NAV2: variants seen among roughly 807,000 people sequenced by gnomAD.
NAV2 encodes the protein neuron navigator 2.
NAV2 carries 54 observed loss-of-function variants against 223.2 expected under a neutral mutation model. That is an observed-to-expected ratio of 0.24 (90% CI 0.19 to 0.30). The LOEUF is 0.30. Among genes scored for constraint, NAV2 ranks in the 10% least tolerant of loss-of-function variants. The pLI is 1.00. For missense variants in NAV2, 2,806 were observed against 3,147.5 expected (o/e 0.89, Z 2.60); for synonymous variants, 1,279 against 1,239.3 (o/e 1.03, Z -0.67).
intron 10 of NAV2, among the ~76,000 whole-genome samples, chr11:19,955,263 A>G (rs4757020): frequency 0.33 from 50,150 of 151,868 alleles, 9,062 homozygotes; most frequent in Non-Finnish European, 0.4. Flanking sequence ...AAAGCTGTTC[A>G]TGGTGGCATG....
chr11:19,363,256 G>C (rs1238221757), intron 1 of NAV2, among the ~76,000 whole-genome samples: 1 of 152,096 alleles, frequency 6.6e-6, no homozygotes, highest in Admixed American at 6.6e-5. Context: ...CCTGTGTTAG[G>C]TTGCTGAGAA....
intron 1 of NAV2, among the ~76,000 whole-genome samples, chr11:19,618,354 C>CTGGATGGATGGATGGATGGA (rs371135207): frequency 9.4e-6 from 1 of 106,172 alleles, no homozygotes; most frequent in Admixed American, 1.0e-4. Context: ...TGATGGATTG[C>CTGGATGGATGGATGGATGGA]TGGATGGATG....
intron 7 of NAV2, 37 bp from the exon 8 acceptor site, chr11:19,939,624 T>G: frequency 6.4e-7 from 1 of 1,567,884 alleles, no homozygotes. Flanking sequence ...TAGTTGCCTC[T>G]CATGACAAGT....
At chr11:20,072,178 C>G (rs1239639929) in intron 22 of NAV2, among the ~76,000 whole-genome samples, 1 of 152,164 alleles carries the variant, frequency 6.6e-6, no homozygotes, top group Non-Finnish European at 1.5e-5. Flanking sequence ...TTGCCAACAC[C>G]ATTTATTAAA....
chr11:19,500,977 A>T (rs567420893), intron 1 of NAV2, among the ~76,000 whole-genome samples: 1 of 152,346 alleles, frequency 6.6e-6, no homozygotes, highest in African/African-American at 2.4e-5. Context: ...AAATCAAGGC[A>T]TCGGAAGGGC....
chr11:19,696,654 A>C (rs974786724), intron 1 of NAV2, among the ~76,000 whole-genome samples: 5 of 152,240 alleles, frequency 3.3e-5, no homozygotes, highest in African/African-American at 1.2e-4. Context: ...GTCTGGCTTC[A>C]GAGAAAGGAT....
chr11:19,946,860 T>C lies in NAV2; in HGVS notation c.2255+351T>C, dbSNP rs558451287. Among the ~76,000 whole-genome samples the C allele has an allele frequency of 3.3e-5, 5 of 152,322 alleles. No homozygotes were observed. The South Asian group carries it at 1.0e-3, about 32-fold the overall frequency. The stretch of plus-strand genomic sequence containing the variant: ...TGACCTGTGTGATAAACTGAATAGC[T>C]TGAATTCCTACCCAATCTTCTGATA... On this transcript the variant is annotated intron_variant, in intron 9 of 37. Coordinates refer to ENST00000349880, the MANE Select transcript of NAV2 (RefSeq NM_145117.5).
intron 1 of NAV2, among the ~76,000 whole-genome samples, chr11:19,699,342 C>A (rs1022142186): frequency 3.3e-5 from 5 of 152,164 alleles, no homozygotes; most frequent in Non-Finnish European, 7.3e-5. Flanking sequence ...GGGATGAAGA[C>A]CCTGGTGCAT....
At chr11:19,580,737 G>A (rs960279905) in intron 1 of NAV2, among the ~76,000 whole-genome samples, 11 of 152,142 alleles carry the variant, frequency 7.2e-5, no homozygotes, top group Admixed American at 2.0e-4. Context: ...GGGGAGTACC[G>A]CATAGACCTT....
intron 10 of NAV2, among the ~76,000 whole-genome samples, chr11:19,978,027 G>A (rs1406380567): frequency 6.6e-6 from 1 of 150,538 alleles, no homozygotes; most frequent in African/African-American, 2.4e-5. Context: ...GTTTCACTAT[G>A]TTAGCCAGGC....
chr11:19,752,032 C>T (rs776526367), intron 1 of NAV2, among the ~76,000 whole-genome samples: 7 of 152,122 alleles, frequency 4.6e-5, no homozygotes, highest in South Asian at 4.1e-4. Context: ...ATGTTCTCAC[C>T]GTCCCTCTGA....
upstream of NAV2, among the ~76,000 whole-genome samples, chr11:19,709,166 TCCC>T (rs1281836161): frequency 2.0e-5 from 3 of 149,140 alleles, no homozygotes; most frequent in Non-Finnish European, 4.5e-5. Context: ...AAAAATAGCT[TCCC>T]CCCGCCCCAC....
At chr11:19,555,451 G>T (rs1490856742) in intron 1 of NAV2, among the ~76,000 whole-genome samples, 1 of 152,136 alleles carries the variant, frequency 6.6e-6, no homozygotes, top group Admixed American at 6.5e-5. Context: ...AGACCTGGGG[G>T]GGGCTCTGGG....
intron 1 of NAV2, among the ~76,000 whole-genome samples, chr11:19,443,222 C>T (rs893025334): frequency 6.6e-6 from 1 of 152,328 alleles, no homozygotes; most frequent in South Asian, 2.1e-4. Flanking sequence ...TTCATGCCCT[C>T]TATGCCAGGC....
rs187118265 is a variant in NAV2, at chr11:19,762,550, A to C, written c.267+48588A>C. 4.4e-3 allele frequency among the ~76,000 whole-genome samples: 670 copies of C among 150,912 alleles called. 4 individuals carry two copies. Among genetic ancestry groups the C allele is most frequent in the African/African-American group, 0.016 (639 of 41,052 alleles). The stretch of plus-strand genomic sequence containing the variant: ...TCCTAATCTTCTGTTCTCCTCCATG[A>C]GCCTTGGCCTCAGCAACTACTTGGG... On this transcript the variant is annotated intron_variant, in intron 1 of 37. Transcript: ENST00000349880.
chr11:19,370,826 G>A (rs540075645), intron 1 of NAV2, among the ~76,000 whole-genome samples: 11 of 152,316 alleles, frequency 7.2e-5, no homozygotes, highest in Admixed American at 5.9e-4. Context: ...TGCACCAGGA[G>A]ACATGGCTTC....
intron 6 of NAV2, among the ~76,000 whole-genome samples, chr11:19,912,321 C>T (rs1258119009): frequency 5.9e-5 from 9 of 152,300 alleles, no homozygotes; most frequent in Admixed American, 4.6e-4. Flanking sequence ...TGCAAAAGTC[C>T]TCTTTGCTTT....
At chr11:19,766,382 A>G (rs2055226131) in intron 1 of NAV2, among the ~76,000 whole-genome samples, 1 of 152,022 alleles carries the variant, frequency 6.6e-6, no homozygotes, top group Admixed American at 6.5e-5. Flanking sequence ...GGTAGAGGAG[A>G]GCTTAGCCAG....
intron 3 of NAV2, among the ~76,000 whole-genome samples, chr11:19,857,200 CT>C (rs2061455875): frequency 6.6e-6 from 1 of 152,162 alleles, no homozygotes. Context: ...GATCTGATGT[CT>C]TATTTAATTT....
Sources: gnomAD v4.1 joint callset for allele counts (sites outside exome capture counted in the v4.1 genomes callset) on GRCh38, gnomAD v4.1.1 for gene constraint, MANE v1.5 for transcripts, NCBI Gene and HGNC (gene_info 2026-07-23, HGNC 2026-07-21) for gene names.